The following ERC1 variants were observed in gnomAD, a reference collection of about 807,000 sequenced individuals.
ERC1 encodes the protein RAB6 interacting protein 2.
Under a neutral mutation model 132.0 loss-of-function variants are expected in ERC1, and 56 were observed. That is an observed-to-expected ratio of 0.42 (90% CI 0.34 to 0.53). ERC1 has a LOEUF of 0.53. Among genes scored for constraint, ERC1 ranks in the 20% least tolerant of loss-of-function variants. The pLI, the probability that ERC1 is intolerant of heterozygous loss-of-function variation, is 0.03. For missense variants in ERC1, 1,202 were observed against 1,349.9 expected (o/e 0.89, Z 1.72); for synonymous variants, 478 against 476.1 (o/e 1.00, Z -0.05).
chr12:1,178,724 A>T (rs1954023650), intron 8 of ERC1, among the ~76,000 whole-genome samples: 2 of 152,060 alleles, frequency 1.3e-5, no homozygotes, highest in African/African-American at 4.8e-5. Flanking sequence ...TCAAGAGGAG[A>T]TGGTGATTAT....
chr12:1,455,448 C>T (rs1451617535), intron 18 of ERC1, among the ~76,000 whole-genome samples: 2 of 152,218 alleles, frequency 1.3e-5, no homozygotes, highest in African/African-American at 4.8e-5. Context: ...CCGTATCTGA[C>T]CACTGTTACT....
intron 1 of ERC1, among the ~76,000 whole-genome samples, chr12:1,015,871 A>T (rs956293497): frequency 2.0e-5 from 3 of 152,254 alleles, no homozygotes; most frequent in Admixed American, 1.3e-4. Context: ...AATTTCACAT[A>T]TAATTATTTA....
chr12:1,247,882 G>C (rs371507951), intron 13 of ERC1, among the ~76,000 whole-genome samples: 72 of 152,306 alleles, frequency 4.7e-4, no homozygotes, highest in African/African-American at 1.4e-3. Context: ...TGTAATCCCA[G>C]CTACTCAGGA....
intron 18 of ERC1, among the ~76,000 whole-genome samples, chr12:1,483,347 GCTT>G (rs796557918): frequency 7.3e-4 from 111 of 152,200 alleles, no homozygotes; most frequent in African/African-American, 2.4e-3. Context: ...GTTGAGACCG[GCTT>G]CTTTCATTTA....
At chr12:1,341,063 C>CTCTTTTT (rs1566629703) in intron 15 of ERC1, among the ~76,000 whole-genome samples, 1 of 45,160 alleles carries the variant, frequency 2.2e-5, no homozygotes, top group African/African-American at 7.1e-5. Flanking sequence ...TTATTCTTTT[C>CTCTTTTT]TTTTTCTTTT....
intron 13 of ERC1, among the ~76,000 whole-genome samples, chr12:1,247,184 G>A (rs1000167746): frequency 9.2e-5 from 14 of 151,828 alleles, no homozygotes; most frequent in African/African-American, 3.4e-4. Context: ...AGCCCTGTTT[G>A]CGCCACTGCG....
At chr12:1,227,130 G>T (rs1211181176) in intron 12 of ERC1, among the ~76,000 whole-genome samples, 1 of 152,140 alleles carries the variant, frequency 6.6e-6, no homozygotes, top group Non-Finnish European at 1.5e-5. Flanking sequence ...GATTTCAGTT[G>T]TTTTTGATGT....
At chr12:1,483,941 G>T (rs1213903519) in intron 18 of ERC1, among the ~76,000 whole-genome samples, 1 of 151,574 alleles carries the variant, frequency 6.6e-6, no homozygotes, top group Non-Finnish European at 1.5e-5. Context: ...TGATCCACCT[G>T]CCTCGGCCTC....
intron 15 of ERC1, among the ~76,000 whole-genome samples, chr12:1,301,490 A>G (rs527797581): frequency 6.6e-6 from 1 of 152,320 alleles, no homozygotes; most frequent in African/African-American, 2.4e-5. Flanking sequence ...CAGCCATAAA[A>G]ACGAACAGGA....
intron 16 of ERC1, among the ~76,000 whole-genome samples, chr12:1,404,172 G>A (rs2091292567): frequency 1.3e-5 from 2 of 152,232 alleles, no homozygotes; most frequent in South Asian, 4.1e-4. Context: ...CAGATTCGGT[G>A]TCTGATGAGG....
At chr12:1,423,194 T>C (rs779698348) in intron 17 of ERC1, among the ~76,000 whole-genome samples, 37 of 152,164 alleles carry the variant, frequency 2.4e-4, no homozygotes, top group Non-Finnish European at 4.6e-4. Flanking sequence ...CCAGGGACTT[T>C]CCACTGGAAT....
intron 7 of ERC1, among the ~76,000 whole-genome samples, chr12:1,126,609 A>C (rs1427250812): frequency 6.6e-6 from 1 of 152,198 alleles, no homozygotes; most frequent in East Asian, 1.9e-4. Context: ...AAGAAAGAAA[A>C]CCATTGGCAA....
chr12:1,274,338 T>C (rs149403334), intron 14 of ERC1, among the ~76,000 whole-genome samples: 1 of 152,134 alleles, frequency 6.6e-6, no homozygotes, highest in East Asian at 1.9e-4. Context: ...GTAGGGGAGA[T>C]TGATCACAGA....
Position 1,418,575 on chromosome 12 carries a change from TTCTTTCTTTCTTTC to T in ERC1, c.3024+10344_3024+10357del, listed in dbSNP as rs1439164724. ...TTTCTGAAGTCTTCATTTTCTTTCT[TTCTTTCTTTCTTTC>T]TCTTTCTTTCTTTCTTTCTTTCTTT... is the stretch of plus-strand genomic sequence containing the variant. On this transcript the variant is annotated intron_variant, in intron 17 of 18. Transcript: ENST00000360905. Among the ~76,000 whole-genome samples the T allele has an allele frequency of 5.3e-4, 65 of 123,406 alleles. 1 individual carries two copies. The highest frequency in any genetic ancestry group is 4.3e-4 in the African/African-American group (14 of 32,874). 81.0% of individuals were successfully genotyped at this position (123,406 alleles called of 152,430 possible).
intron 15 of ERC1, among the ~76,000 whole-genome samples, chr12:1,309,024 C>T (rs1255224731): frequency 1.3e-5 from 2 of 152,178 alleles, no homozygotes; most frequent in African/African-American, 2.4e-5. Flanking sequence ...TGAGTAGATG[C>T]CATCTGTGAA....
chr12:1,245,656 A>ATT (rs1489217916), intron 13 of ERC1, among the ~76,000 whole-genome samples: 1 of 152,176 alleles, frequency 6.6e-6, no homozygotes, highest in East Asian at 1.9e-4. Flanking sequence ...AAATGTTCTG[A>ATT]TTGGATTAAA....
chr12:1,302,218 C>T (rs1057107064), intron 15 of ERC1, among the ~76,000 whole-genome samples: 41 of 152,174 alleles, frequency 2.7e-4, no homozygotes, highest in Non-Finnish European at 5.6e-4. Context: ...ATTAATTAAA[C>T]TCACTACCTG....
At chr12:1,242,640 A>G (rs2075883856) in intron 13 of ERC1, among the ~76,000 whole-genome samples, 1 of 152,204 alleles carries the variant, frequency 6.6e-6, no homozygotes, top group Non-Finnish European at 1.5e-5. Context: ...GGTTGTGAGC[A>G]TTAATGAGAT....
chr12:1,108,378 G>A (rs1346937948), intron 4 of ERC1, among the ~76,000 whole-genome samples: 1 of 152,178 alleles, frequency 6.6e-6, no homozygotes, highest in South Asian at 2.1e-4. Context: ...TACAGAGTTG[G>A]AGTTCTTACC....
Sources: allele counts gnomAD v4.1 joint callset (sites outside exome capture counted in the v4.1 genomes callset), GRCh38; gene constraint gnomAD v4.1.1; transcripts MANE v1.5; gene names NCBI Gene and HGNC (gene_info 2026-07-23, HGNC 2026-07-21).